The following KCNIP4 variants were observed in gnomAD, a reference collection of about 807,000 sequenced individuals.
KCNIP4 encodes the protein Kv channel-interacting protein 4.
KCNIP4 carries 12 observed loss-of-function variants against 34.0 expected under a neutral mutation model. The observed-to-expected ratio is 0.35, with a 90% CI of 0.23 to 0.57. The LOEUF is 0.57. Ranked by LOEUF, KCNIP4 falls within the 20% of genes least tolerant of loss-of-function variation. The pLI is 0.83. For missense variants in KCNIP4, 238 were observed against 311.7 expected, an observed-to-expected ratio of 0.76 and a Z score of 1.78; for synonymous variants, 124 against 102.2, an observed-to-expected ratio of 1.21 and a Z score of -1.29.
chr4:21,375,142 G>GA lies in KCNIP4; in HGVS notation c.62-492434dup, dbSNP rs1416680123. ...TAGGTTACTCAAGTATTCAAAAGCA[G>GA]AAATTTCTAGAGGTGCATTAGTCGT... On this transcript the variant is annotated intron_variant, in intron 1 of 8. Coordinates refer to ENST00000382152, the MANE Select transcript of KCNIP4 (RefSeq NM_025221.6). 1.8e-4 allele frequency among the ~76,000 whole-genome samples: 26 copies of GA among 147,246 alleles called. 4 individuals carry two copies. The highest frequency in any genetic ancestry group is 6.8e-4 in the African/African-American group (25 of 36,882).
intron 1 of KCNIP4, among the ~76,000 whole-genome samples, chr4:21,732,893 T>C (rs1715711579): frequency 6.6e-6 from 1 of 152,212 alleles, no homozygotes; most frequent in South Asian, 2.1e-4. Flanking sequence ...CACAAAATAT[T>C]GCTCTTCTAT....
intron 1 of KCNIP4, among the ~76,000 whole-genome samples, chr4:21,333,255 A>C (rs1343519014): frequency 1.3e-5 from 2 of 151,928 alleles, no homozygotes; most frequent in African/African-American, 2.4e-5. Context: ...CTAGAGTATA[A>C]ATTTTTTTTA....
At chr4:21,178,144 T>C (rs1055187965) in intron 1 of KCNIP4, among the ~76,000 whole-genome samples, 2 of 152,166 alleles carry the variant, frequency 1.3e-5, no homozygotes, top group Non-Finnish European at 2.9e-5. Flanking sequence ...CAACACAGTT[T>C]AATTATCTGC....
At chr4:21,937,400 G>T (rs532048789) in intron 1 of KCNIP4, among the ~76,000 whole-genome samples, 1 of 151,788 alleles carries the variant, frequency 6.6e-6, no homozygotes, top group African/African-American at 2.4e-5. Flanking sequence ...TTGTTCAAAC[G>T]TTTGTTTTCT....
intron 1 of KCNIP4, among the ~76,000 whole-genome samples, chr4:21,710,885 T>G (rs1475440872): frequency 2.0e-5 from 3 of 152,230 alleles, no homozygotes; most frequent in Non-Finnish European, 4.4e-5. Flanking sequence ...TTACCCCTAT[T>G]GATAAACTTT....
chr4:21,051,138 C>T (rs186976448), intron 1 of KCNIP4, among the ~76,000 whole-genome samples: 184 of 152,334 alleles, frequency 1.2e-3, no homozygotes, highest in African/African-American at 4.3e-3. Context: ...ATGGTTGTTC[C>T]TCTGTGGGGC....
intron 1 of KCNIP4, among the ~76,000 whole-genome samples, chr4:21,631,101 T>C (rs1745733857): frequency 6.6e-6 from 1 of 152,230 alleles, no homozygotes; most frequent in Admixed American, 6.5e-5. Flanking sequence ...ATTGCTTCTC[T>C]TGTTGCTCAC....
At chr4:21,305,376 G>T (rs925537840) in intron 1 of KCNIP4, among the ~76,000 whole-genome samples, 2 of 152,138 alleles carry the variant, frequency 1.3e-5, no homozygotes, top group African/African-American at 4.8e-5. Context: ...ATGAAGAGAG[G>T]CATAATAGCA....
chr4:21,016,496 C>T (rs1303759731), intron 1 of KCNIP4, among the ~76,000 whole-genome samples: 2 of 151,990 alleles, frequency 1.3e-5, no homozygotes, highest in South Asian at 2.1e-4. Flanking sequence ...AGGGTTTCAC[C>T]GTGTTAGCCT....
chr4:21,881,906 TC>T (rs1240816477), intron 1 of KCNIP4, among the ~76,000 whole-genome samples: 4 of 152,078 alleles, frequency 2.6e-5, no homozygotes, highest in Admixed American at 6.6e-5. Context: ...GACCTGCCAC[TC>T]TCATTTACTA....
At chr4:21,354,328 G>GC (rs1312301055) in intron 1 of KCNIP4, among the ~76,000 whole-genome samples, 3 of 152,128 alleles carry the variant, frequency 2.0e-5, no homozygotes, top group Non-Finnish European at 4.4e-5. Flanking sequence ...TGGGCTAAAT[G>GC]CCCCAATTAA....
At chr4:20,849,568 C>A (rs4697193) in intron 3 of KCNIP4, among the ~76,000 whole-genome samples, 53,179 of 151,896 alleles carry the variant, frequency 0.35, 10,361 homozygotes, top group Admixed American at 0.46. Flanking sequence ...AAGAGGATGG[C>A]ATTAGAAGAA....
chr4:21,354,880 T>C (rs1718409543), intron 1 of KCNIP4, among the ~76,000 whole-genome samples: 1 of 152,158 alleles, frequency 6.6e-6, no homozygotes, highest in Non-Finnish European at 1.5e-5. Context: ...TATTCCAAAA[T>C]TGACCACATA....
intron 1 of KCNIP4, among the ~76,000 whole-genome samples, chr4:21,468,124 A>G (rs553367856): frequency 1.3e-5 from 2 of 152,330 alleles, no homozygotes; most frequent in South Asian, 2.1e-4. Context: ...CTTGCAATCC[A>G]GGTTCCAAGC....
chr4:20,924,491 G>A (rs915574320), intron 1 of KCNIP4, among the ~76,000 whole-genome samples: 5 of 152,002 alleles, frequency 3.3e-5, no homozygotes, highest in African/African-American at 7.3e-5. Context: ...TCAATATATT[G>A]CAATATAAAA....
chr4:21,429,741 A>C (rs1726270336), intron 1 of KCNIP4, among the ~76,000 whole-genome samples: 3 of 152,162 alleles, frequency 2.0e-5, no homozygotes, highest in African/African-American at 7.2e-5. Context: ...TATTCTGATA[A>C]TTTATAATTC....
At chr4:21,053,195 C>G (rs1319655785) in intron 1 of KCNIP4, among the ~76,000 whole-genome samples, 2 of 152,146 alleles carry the variant, frequency 1.3e-5, no homozygotes, top group Non-Finnish European at 2.9e-5. Flanking sequence ...TTGGCAGTTT[C>G]TTCTCTATTC....
intron 1 of KCNIP4, among the ~76,000 whole-genome samples, chr4:21,221,429 C>T (rs941452046): frequency 6.6e-6 from 1 of 152,108 alleles, no homozygotes; most frequent in African/African-American, 2.4e-5. Flanking sequence ...AACTTACAAT[C>T]ATGGTGGAAG....
chr4:21,066,309 G>A (rs1744376736), intron 1 of KCNIP4, among the ~76,000 whole-genome samples: 1 of 152,052 alleles, frequency 6.6e-6, no homozygotes, highest in Non-Finnish European at 1.5e-5. Flanking sequence ...CAAGCAACAT[G>A]GTCAAATAGA....
Sources: gnomAD v4.1 joint callset for allele counts (sites outside exome capture counted in the v4.1 genomes callset) on GRCh38, gnomAD v4.1.1 for gene constraint, MANE v1.5 for transcripts, NCBI Gene and HGNC (gene_info 2026-07-23, HGNC 2026-07-21) for gene names.